LRRC49: variants seen among roughly 807,000 people sequenced by gnomAD.
The protein encoded by LRRC49 is leucine rich repeat containing 49.
A neutral mutation model predicts 83.3 loss-of-function variants in LRRC49; 50 were observed. That is an observed-to-expected ratio of 0.60 (90% CI 0.48 to 0.76). The LOEUF (loss-of-function observed/expected upper bound fraction) is 0.76, where lower values mean the gene tolerates loss of function less well. LRRC49 is among the 30% of genes least tolerant of loss of function. The probability of loss-of-function intolerance (pLI) is 0.00; values close to 1 mark genes in which losing one functional copy is unlikely to be tolerated. For synonymous variants in LRRC49, 286 were observed against 283.3 expected (o/e 1.01, Z -0.10); for missense variants, 704 against 809.1 (o/e 0.87, Z 1.58).
chr15:70,990,831 C>A (rs1297037196), intron 11 of LRRC49, among the ~76,000 whole-genome samples: 1 of 152,210 alleles, frequency 6.6e-6, no homozygotes, highest in African/African-American at 2.4e-5. Flanking sequence ...TAACACCAAT[C>A]ACTTCCCTGC....
chr15:70,870,747 C>A (rs1748032501), intron 1 of LRRC49, among the ~76,000 whole-genome samples: 2 of 152,162 alleles, frequency 1.3e-5, no homozygotes, highest in South Asian at 4.1e-4. Flanking sequence ...GCCTAGGCCG[C>A]CCAAAGTGTT....
At chr15:70,938,065 TC>T (rs2035664484) in intron 8 of LRRC49, among the ~76,000 whole-genome samples, 1 of 152,128 alleles carries the variant, frequency 6.6e-6, no homozygotes, top group East Asian at 1.9e-4. Context: ...ACTTTTAGAT[TC>T]CCCCAACCTG....
chr15:70,985,051 C>T (rs1165746865), intron 11 of LRRC49, among the ~76,000 whole-genome samples: 1 of 135,708 alleles, frequency 7.4e-6, no homozygotes, highest in Non-Finnish European at 1.6e-5. Context: ...TGGGTTGGTT[C>T]CAAGTCTTTG....
intron 8 of LRRC49, among the ~76,000 whole-genome samples, chr15:70,953,590 G>T (rs1204888692): frequency 6.6e-6 from 1 of 152,118 alleles, no homozygotes; most frequent in Non-Finnish European, 1.5e-5. Context: ...TCTGATGACT[G>T]TGCTTTGGGG....
chr15:71,025,955 A>C (rs2039155755), intron 14 of LRRC49, among the ~76,000 whole-genome samples: 1 of 152,170 alleles, frequency 6.6e-6, no homozygotes, highest in Non-Finnish European at 1.5e-5. Context: ...TGTCAACATT[A>C]GATCATTGAG....
chr15:70,870,855 T>C (rs1202996929), intron 1 of LRRC49, among the ~76,000 whole-genome samples: 1 of 151,954 alleles, frequency 6.6e-6, no homozygotes, highest in Non-Finnish European at 1.5e-5. Flanking sequence ...GGGAATCAAA[T>C]TGTAACTAAA....
At chr15:70,984,378 T>G in intron 11 of LRRC49, 121 bp downstream of exon 11, 1 of 863,958 alleles carries the variant, frequency 1.2e-6, no homozygotes, top group South Asian at 2.3e-5. Flanking sequence ...CTTGCTGAAA[T>G]TAGAAATTAA....
chr15:70,900,619 G>T (rs1278479785), intron 3 of LRRC49: 2 of 467,194 alleles, frequency 4.3e-6, no homozygotes, highest in Non-Finnish European at 8.5e-6. Context: ...TAGACAGTTA[G>T]AATTTAAGAC....
intron 15 of LRRC49, among the ~76,000 whole-genome samples, chr15:71,039,960 T>C (rs530366928): frequency 1.6e-4 from 25 of 152,324 alleles, no homozygotes; most frequent in African/African-American, 4.8e-4. Flanking sequence ...ATGCCAGTAT[T>C]GCATAGGAAA....
intron 6 of LRRC49, among the ~76,000 whole-genome samples, chr15:70,914,546 A>C (rs1398548538): frequency 6.6e-6 from 1 of 152,160 alleles, no homozygotes; most frequent in East Asian, 1.9e-4. Context: ...GCATGAACTA[A>C]AGTAGTAGCA....
intron 9 of LRRC49, among the ~76,000 whole-genome samples, chr15:70,966,726 T>C (rs1401526388): frequency 6.6e-6 from 1 of 152,136 alleles, no homozygotes; most frequent in Non-Finnish European, 1.5e-5. Flanking sequence ...ACATATTTCT[T>C]TTGGCCTAGA....
chr15:71,038,527 C>T (rs573878045), intron 15 of LRRC49, among the ~76,000 whole-genome samples: 4 of 151,986 alleles, frequency 2.6e-5, no homozygotes, highest in Non-Finnish European at 5.9e-5. Flanking sequence ...CTTTGGAACC[C>T]ATAGGGCTGT....
At chr15:70,893,534 T>C (rs369953067) in intron 1 of LRRC49, 50 bp from the exon 2 acceptor site, 3 of 1,103,546 alleles carry the variant, frequency 2.7e-6, no homozygotes, top group Non-Finnish European at 4.1e-6. Flanking sequence ...TTTGGAAATA[T>C]GTGTTTGTGT....
chr15:70,864,773 G>A (rs1486466719), intron 1 of LRRC49, among the ~76,000 whole-genome samples: 1 of 152,098 alleles, frequency 6.6e-6, no homozygotes, highest in Admixed American at 6.5e-5. Flanking sequence ...GTAACTCTTT[G>A]GGGTGATGGA....
intron 8 of LRRC49, among the ~76,000 whole-genome samples, chr15:70,940,251 A>ATTTTTTTT (rs398027829): frequency 1.1e-5 from 1 of 87,064 alleles, no homozygotes; most frequent in African/African-American, 3.9e-5. Flanking sequence ...GAATATATGG[A>ATTTTTTTT]TTTTTTTTTT....
intron 6 of LRRC49, chr15:70,918,309 G>A (rs1188832200): frequency 6.6e-6 from 1 of 152,312 alleles, no homozygotes; most frequent in African/African-American, 2.4e-5. Flanking sequence ...GGCAAAATGA[G>A]CCCAGCGGGC....
At chr15:70,894,735 C>A in intron 2 of LRRC49, 1 of 561,784 alleles carries the variant, frequency 1.8e-6, no homozygotes, top group Non-Finnish European at 2.7e-6. Flanking sequence ...GCAGAGTTCA[C>A]ACATAACAGC....
rs548976113 is a variant in LRRC49, at chr15:71,020,564, A to G, written c.1703+7651A>G. 1.3e-4 allele frequency among the ~76,000 whole-genome samples: 20 copies of G among 152,340 alleles called. No homozygotes were observed. In the South Asian group the frequency reaches 3.5e-3, roughly 27 times the overall value. Reference sequence around the variant, plus strand: ...TCTAAATATAAGGTGAAAAAATTTAAAAACAACCAGGAAAAGAGAAGTTAC... The same window carrying G: ...TCTAAATATAAGGTGAAAAAATTTAGAAACAACCAGGAAAAGAGAAGTTAC... On this transcript the variant is annotated intron_variant, in intron 14 of 15. Coordinates refer to ENST00000260382, the MANE Select transcript of LRRC49 (RefSeq NM_017691.5).
chr15:70,891,897 C>G, upstream of LRRC49: 1 of 1,612,980 alleles, frequency 6.2e-7, no homozygotes, highest in Non-Finnish European at 8.5e-7. Flanking sequence ...GAGACTGGAC[C>G]TGGGGCAGCC....
Sources: allele counts gnomAD v4.1 joint callset (sites outside exome capture counted in the v4.1 genomes callset), GRCh38; gene constraint gnomAD v4.1.1; transcripts MANE v1.5; gene names NCBI Gene and HGNC (gene_info 2026-07-23, HGNC 2026-07-21).